The following TRAPPC6B variants were observed in gnomAD, a reference collection of about 807,000 sequenced individuals.
TRAPPC6B encodes the protein TRAPP complex subunit 6B.
Under a neutral mutation model 24.7 loss-of-function variants are expected in TRAPPC6B, and 27 were observed. The observed-to-expected ratio is 1.09, with a 90% CI of 0.81 to 1.51. TRAPPC6B has a LOEUF of 1.51. Ranked by LOEUF, TRAPPC6B falls within the 40% of genes most tolerant of loss-of-function variation. The probability of loss-of-function intolerance (pLI) is 0.00; values close to 1 mark genes in which losing one functional copy is unlikely to be tolerated. For missense variants in TRAPPC6B, 212 were observed against 190.8 expected (o/e 1.11, Z -0.66); for synonymous variants, 80 against 66.6 (o/e 1.20, Z -0.98).
Position 39,159,516 on chromosome 14 carries a change from A to G in TRAPPC6B, c.116T>C (p.Met39Thr), listed in dbSNP as rs769631954. The G allele has an allele frequency of 6.2e-6, 10 of 1,605,710 alleles. No homozygotes were observed. In the South Asian group the frequency reaches 8.9e-5, roughly 14 times the overall value. Reference protein sequence around the residue: ...NGRCITKLENMGFRVGQGLIE... With the variant: ...NGRCITKLENTGFRVGQGLIE... Reference sequence around the variant, plus strand: ...CAATCCTTGTCCCACTCGAAACCCCATGTTTTCCAGCTTAGTAATACATCG... The same window carrying G: ...CAATCCTTGTCCCACTCGAAACCCCGTGTTTTCCAGCTTAGTAATACATCG... The change falls in exon 2 of 6, where the codon ATG becomes ACG. Residue 39 changes from methionine to threonine, a missense_variant. Met to Thr is a moderately conservative substitution (Grantham distance 81, BLOSUM62 -1). Transcript: ENST00000330149.
intron 1 of TRAPPC6B, among the ~76,000 whole-genome samples, chr14:39,166,270 C>CA (rs1429265114): frequency 8.6e-6 from 1 of 116,082 alleles, no homozygotes; most frequent in Non-Finnish European, 1.9e-5. Context: ...AAAAAAAAAA[C>CA]AAAAAAACAA....
At chr14:39,156,251 A>C (rs1486934931) in intron 3 of TRAPPC6B, among the ~76,000 whole-genome samples, 1 of 152,224 alleles carries the variant, frequency 6.6e-6, no homozygotes, top group Admixed American at 6.5e-5. Context: ...CTGGGAGGCC[A>C]AGGCGGGAGG....
At chr14:39,150,996 T>G (rs1296468615) in intron 5 of TRAPPC6B, among the ~76,000 whole-genome samples, 2 of 152,204 alleles carry the variant, frequency 1.3e-5, no homozygotes, top group Non-Finnish European at 2.9e-5. Context: ...TCTTGGTTGG[T>G]AGCTCTGGTG....
At chr14:39,157,106 C>CAA (rs58837625) in intron 3 of TRAPPC6B, 12 of 142,880 alleles carry the variant, frequency 8.4e-5, no homozygotes, top group Admixed American at 2.5e-4. Flanking sequence ...GACTCCATCT[C>CAA]AAAAAAAAAA....
intron 1 of TRAPPC6B, among the ~76,000 whole-genome samples, chr14:39,162,591 T>C (rs2053070637): frequency 6.6e-6 from 1 of 152,232 alleles, no homozygotes; most frequent in Non-Finnish European, 1.5e-5. Context: ...AAACCTGGTA[T>C]CACCTTTGAT....
intron 1 of TRAPPC6B, among the ~76,000 whole-genome samples, chr14:39,162,381 T>C (rs768726419): frequency 1.3e-5 from 2 of 151,848 alleles, no homozygotes; most frequent in Non-Finnish European, 2.9e-5. Flanking sequence ...GGTCTCAAAG[T>C]CCTGACCTCA....
rs995257523 is a variant in TRAPPC6B, at chr14:39,148,309, G to A, written c.*2041C>T. On this transcript the variant is annotated 3_prime_UTR_variant, in exon 6 of 6. Transcript: ENST00000330149. Reference sequence around the variant, plus strand: ...AAAGCCTTCAGACTTCCTTTGTCTCGTTAGCCTAGATTCCATCAAATGATC... The same window carrying A: ...AAAGCCTTCAGACTTCCTTTGTCTCATTAGCCTAGATTCCATCAAATGATC... The A allele has an allele frequency of 1.4e-5, 3 of 213,370 alleles. No homozygotes were observed. The highest frequency in any genetic ancestry group is 2.7e-5 in the Non-Finnish European group (3 of 109,164). 13.2% of individuals were successfully genotyped at this position (213,370 alleles called of 1,614,324 possible). A position where few individuals can be genotyped will look rare whatever the true frequency, so the allele number is the denominator to read the frequency against.
Position 39,149,958 on chromosome 14 carries a change from T to C in TRAPPC6B, c.*392A>G, listed in dbSNP as rs2052894550. ...TGTTTGCTTTTTAAAATAAAACAAATTCATACTTTATCAAAATTTGTTCAT... is the reference window on the plus strand; with the variant it reads ...TGTTTGCTTTTTAAAATAAAACAAACTCATACTTTATCAAAATTTGTTCAT... On this transcript the variant is annotated 3_prime_UTR_variant, in exon 6 of 6. Coordinates refer to ENST00000330149, the MANE Select transcript of TRAPPC6B (RefSeq NM_001079537.2). 6.3e-6 allele frequency: 1 copy of C among 158,690 alleles called. No individual in the cohort carries two copies. Among genetic ancestry groups the C allele is most frequent in the African/African-American group, 2.4e-5 (1 of 41,680 alleles). 9.8% of individuals were successfully genotyped at this position (158,690 alleles called of 1,614,324 possible).
chr14:39,157,174 T>A, intron 3 of TRAPPC6B: 1 of 267,836 alleles, frequency 3.7e-6, no homozygotes, highest in East Asian at 1.1e-4. Flanking sequence ...GGCCTAAGAA[T>A]TCTGGCATTG....
chr14:39,153,267 AAGAG>A (rs1332451788), intron 4 of TRAPPC6B, among the ~76,000 whole-genome samples: 1 of 151,750 alleles, frequency 6.6e-6, no homozygotes, highest in Admixed American at 6.6e-5. Context: ...AAAAAAAAAA[AAGAG>A]AGAAAATATA....
chr14:39,154,042 TAC>T (rs1393215473), intron 4 of TRAPPC6B, among the ~76,000 whole-genome samples, 167 bp downstream of exon 4: 1 of 152,216 alleles, frequency 6.6e-6, no homozygotes, highest in African/African-American at 2.4e-5. Flanking sequence ...ACTATTTAGC[TAC>T]AGTTTAGTGT....
chr14:39,157,807 G>A (rs1237714962), intron 3 of TRAPPC6B: 5 of 223,560 alleles, frequency 2.2e-5, no homozygotes, highest in Non-Finnish European at 4.5e-5. Context: ...GGCTTGAATT[G>A]TCAAGCAGGA....
rs779474214 is a variant in TRAPPC6B, at chr14:39,158,424, A to G, written c.150-22T>C. 5.1e-6 allele frequency: 7 copies of G among 1,377,176 alleles called. No homozygotes were observed. In the East Asian group the frequency reaches 1.4e-4, roughly 27 times the overall value. 85.3% of individuals were successfully genotyped at this position (1,377,176 alleles called of 1,614,324 possible). ...AAACCTAAAAAGATCAACTAGAAGT[A>G]ATACAGTATTTCTCCTCCAAAAAAA... is the stretch of plus-strand genomic sequence containing the variant. On this transcript the variant is annotated intron_variant, in intron 2 of 5. Transcript: ENST00000330149.
In TRAPPC6B at chr14:39,148,435, GT is replaced by G. The variant is rs1272380819; in HGVS notation, c.*1914del. The G allele has an allele frequency of 1.9e-5, 7 of 360,476 alleles. No homozygotes were observed. The highest frequency in any genetic ancestry group is 1.4e-4 in the Admixed American group (3 of 21,194). 22.3% of individuals were successfully genotyped at this position (360,476 alleles called of 1,614,324 possible). A position where few individuals can be genotyped will look rare whatever the true frequency, so the allele number is the denominator to read the frequency against. On this transcript the variant is annotated 3_prime_UTR_variant, in exon 6 of 6. Transcript: ENST00000330149. ...CTATAGCACAAGGCAGCCATACAGA[GT>G]TTTAGGCCAAAAAAAAAGAAAAAAA...
At chr14:39,160,610 A>AAGAGG (rs201870192) in intron 1 of TRAPPC6B, among the ~76,000 whole-genome samples, 1 of 142,778 alleles carries the variant, frequency 7.0e-6, no homozygotes, top group African/African-American at 2.8e-5. Flanking sequence ...AAAAGAAAAG[A>AAGAGG]AGAGGGGAGG....
Position 39,148,075 on chromosome 14 carries a change from A to C in TRAPPC6B, c.*2275T>G, listed in dbSNP as rs2052874219. On this transcript the variant is annotated 3_prime_UTR_variant, in exon 6 of 6. Coordinates refer to ENST00000330149, the MANE Select transcript of TRAPPC6B (RefSeq NM_001079537.2). ...CAGTTCCTGGATTGGTTAATTCAGA[A>C]GCACAATTCAGGTGCTTTCTATCTA... 6.6e-6 allele frequency: 1 copy of C among 152,248 alleles called. No homozygotes were observed. The highest frequency in any genetic ancestry group is 1.5e-5 in the Non-Finnish European group (1 of 68,054). The allele number at this position is 152,248 out of a possible 1,614,324, so 9.4% of individuals were successfully genotyped here.
At chr14:39,161,082 A>G (rs1046833097) in intron 1 of TRAPPC6B, among the ~76,000 whole-genome samples, 15 of 152,212 alleles carry the variant, frequency 9.9e-5, no homozygotes, top group Non-Finnish European at 1.9e-4. Context: ...ACACTACAAT[A>G]TTTAAAATAG....
rs1330349677 is a variant in TRAPPC6B at position 39,169,939 on chromosome 14, G to C, written c.81+76C>G. ...GAGGCGTCGGGTGGCGATGGGACAG[G>C]GGTTGAAGGAAAGCACTGAGGGGAA... On this transcript the variant is annotated intron_variant, in intron 1 of 5. Coordinates refer to ENST00000330149, the MANE Select transcript of TRAPPC6B (RefSeq NM_001079537.2). The C allele has an allele frequency of 2.7e-6, 4 of 1,463,852 alleles. No homozygotes were observed. In the African/African-American group the frequency reaches 4.2e-5, roughly 15 times the overall value. The allele number at this position is 1,463,852 out of a possible 1,614,324, so 90.7% of individuals were successfully genotyped here.
rs1128054 is a variant in TRAPPC6B at position 39,149,060 on chromosome 14, C to T, written c.*1290G>A. The T allele has an allele frequency of 3.4e-6, 1 of 294,550 alleles. No individual in the cohort carries two copies. The highest frequency in any genetic ancestry group is 5.6e-5 in the East Asian group (1 of 17,942). 18.2% of individuals were successfully genotyped at this position (294,550 alleles called of 1,614,324 possible). A position where few individuals can be genotyped will look rare whatever the true frequency, so the allele number is the denominator to read the frequency against. On this transcript the variant is annotated 3_prime_UTR_variant, in exon 6 of 6. Transcript: ENST00000330149. The stretch of plus-strand genomic sequence containing the variant: ...ATATGAGGTCTGTCACTGACTGAAA[C>T]ATCATTATAGGGCACATAACTAGAA...
Sources: allele counts gnomAD v4.1 joint callset (sites outside exome capture counted in the v4.1 genomes callset), GRCh38; gene constraint gnomAD v4.1.1; transcripts MANE v1.5; gene names NCBI Gene and HGNC (gene_info 2026-07-23, HGNC 2026-07-21).